Variants in GAB1 observed in about 807,000 individuals in gnomAD.
GAB1 encodes GRB2-associated-binding protein 1.
A neutral mutation model predicts 66.5 loss-of-function variants in GAB1; 19 were observed. That is an observed-to-expected ratio of 0.29 (90% confidence interval 0.20 to 0.42). The LOEUF is 0.42. GAB1 is among the 10% of genes least tolerant of loss of function. The pLI is 1.00. For missense variants in GAB1, 732 were observed against 858.5 expected, an observed-to-expected ratio of 0.85 and a Z score of 1.84; for synonymous variants, 294 against 301.4, an observed-to-expected ratio of 0.98 and a Z score of 0.25.
At chr4:143,385,179 C>A (rs939326960) in intron 1 of GAB1, among the ~76,000 whole-genome samples, 8 of 152,108 alleles carry the variant, frequency 5.3e-5, no homozygotes, top group African/African-American at 1.9e-4. Flanking sequence ...AATCATAATT[C>A]TTCAAAACAT....
chr4:143,443,389 G>T (rs1734344585), intron 6 of GAB1, among the ~76,000 whole-genome samples: 1 of 152,146 alleles, frequency 6.6e-6, no homozygotes, highest in African/African-American at 2.4e-5. Flanking sequence ...TTACAAGGCA[G>T]ACTTTGTAAA....
At chr4:143,449,906 C>T (rs946868929) in intron 6 of GAB1, among the ~76,000 whole-genome samples, 12 of 148,832 alleles carry the variant, frequency 8.1e-5, no homozygotes, top group African/African-American at 2.7e-4. Flanking sequence ...TACATTTTGG[C>T]ATGAACCACT....
chr4:143,379,176 GCAAA>G (rs971954245), intron 1 of GAB1, among the ~76,000 whole-genome samples: 5 of 152,202 alleles, frequency 3.3e-5, no homozygotes, highest in African/African-American at 1.2e-4. Context: ...ATATAATTCA[GCAAA>G]CAAAGAGGCA....
At chr4:143,389,731 A>G (rs1731095286) in intron 1 of GAB1, among the ~76,000 whole-genome samples, 3 of 152,214 alleles carry the variant, frequency 2.0e-5, no homozygotes, top group Non-Finnish European at 4.4e-5. Context: ...TACTCATCAA[A>G]CAGTAAGTGC....
chr4:143,418,850 G>A (rs2149723055), intron 2 of GAB1, among the ~76,000 whole-genome samples: 1 of 152,298 alleles, frequency 6.6e-6, no homozygotes, highest in East Asian at 1.9e-4. Context: ...TCAAGTGTCT[G>A]AGATTAACTT....
chr4:143,438,097 G>T lies in GAB1; in HGVS notation c.692G>T (p.Gly231Val). 6.2e-7 allele frequency: 1 copy of T among 1,614,018 alleles called. No homozygotes were observed. The change falls in exon 4 of 10, where the codon GGA (glycine) becomes GTA (valine). Residue 231 changes from glycine to valine, a missense_variant. By Grantham distance (109) the Gly-to-Val change is moderately radical. Transcript: ENST00000262994. ...CCTGCTTCCTCCCAGAGCAAACATG[G>T]AATGAATGGCTTTTTTCAGCAGCAA... Reference protein sequence around the residue: ...KNPASSQSKHGMNGFFQQQMI... With the variant: ...KNPASSQSKHVMNGFFQQQMI...
At chr4:143,367,547 G>A (rs1199814309) in intron 1 of GAB1, among the ~76,000 whole-genome samples, 2 of 120,954 alleles carry the variant, frequency 1.7e-5, no homozygotes, top group African/African-American at 3.8e-5. Flanking sequence ...GTCAGTAAAT[G>A]TTTGCTTTTT....
At chr4:143,359,930 A>C (rs1437618527) in intron 1 of GAB1, among the ~76,000 whole-genome samples, 1 of 152,370 alleles carries the variant, frequency 6.6e-6, no homozygotes, top group East Asian at 1.9e-4. Context: ...TTTGACAGCA[A>C]CCTGCCTTTT....
chr4:143,360,635 A>T (rs1729626126), intron 1 of GAB1, among the ~76,000 whole-genome samples: 1 of 152,212 alleles, frequency 6.6e-6, no homozygotes. Flanking sequence ...ATGCTAAAAA[A>T]AGTTGTCTCG....
At chr4:143,416,740 C>A (rs544328776) in intron 2 of GAB1, among the ~76,000 whole-genome samples, 1 of 152,298 alleles carries the variant, frequency 6.6e-6, no homozygotes, top group African/African-American at 2.4e-5. Flanking sequence ...CACCATTCCA[C>A]TCCAGCCTGG....
chr4:143,370,184 G>A (rs754837215), intron 1 of GAB1, among the ~76,000 whole-genome samples: 1 of 152,192 alleles, frequency 6.6e-6, no homozygotes. Context: ...AAAGGGTATG[G>A]GGCAAGGGCT....
intron 1 of GAB1, among the ~76,000 whole-genome samples, chr4:143,373,566 C>A (rs960822248): frequency 6.6e-6 from 1 of 152,118 alleles, no homozygotes; most frequent in African/African-American, 2.4e-5. Flanking sequence ...TGGTGGCTCA[C>A]GCCTATAACC....
chr4:143,367,445 A>G (rs922641465), intron 1 of GAB1, among the ~76,000 whole-genome samples: 13 of 152,148 alleles, frequency 8.5e-5, no homozygotes, highest in African/African-American at 3.1e-4. Context: ...TGTTGGTGAA[A>G]CGAAGAAAAT....
intron 8 of GAB1, among the ~76,000 whole-genome samples, chr4:143,462,673 T>A (rs80033108): frequency 6.6e-6 from 1 of 152,024 alleles, no homozygotes; most frequent in Non-Finnish European, 1.5e-5. Flanking sequence ...TTTTTTTTTT[T>A]ATTTGGAGAC....
intron 1 of GAB1, among the ~76,000 whole-genome samples, chr4:143,338,695 C>G (rs1397530591): frequency 8.7e-6 from 1 of 115,016 alleles, no homozygotes; most frequent in Non-Finnish European, 1.8e-5. Context: ...TCCAGCTGTT[C>G]TAAAGAGAAA....
At chr4:143,447,276 G>A (rs1285383578) in intron 6 of GAB1, among the ~76,000 whole-genome samples, 11 of 151,978 alleles carry the variant, frequency 7.2e-5, no homozygotes, top group East Asian at 1.9e-4. Flanking sequence ...TTGGCGATGC[G>A]GGCTCTTTTT....
intron 3 of GAB1, among the ~76,000 whole-genome samples, chr4:143,437,312 A>G (rs1733988861): frequency 6.6e-6 from 1 of 152,246 alleles, no homozygotes; most frequent in Non-Finnish European, 1.5e-5. Context: ...ATACCTCAAA[A>G]TGCAGAGACC....
chr4:143,415,487 G>A lies in GAB1; in HGVS notation c.83G>A (p.Arg28Lys), dbSNP rs373144247. Residue 28 changes from arginine (R) to lysine (K), a missense_variant, in exon 2 of 10, where the codon AGG becomes AAG. Transcript: ENST00000262994. ...EKKLKRYAWK[R>K]RWFVLRSGRL... is the part of the protein sequence containing the mutation. ...TTGTTTTGTTTCTAGGCATGGAAGA[G>A]GAGATGGTTCGTGTTACGCAGTGGC... 9.4e-6 allele frequency: 15 copies of A among 1,602,386 alleles called. No individual in the cohort carries two copies. The highest frequency in any genetic ancestry group is 1.2e-5 in the Non-Finnish European group (14 of 1,172,412).
rs532842452 is a variant in GAB1 at position 143,370,806 on chromosome 4, T to A, written c.72+33546T>A. Among the ~76,000 whole-genome samples, 3 of 152,334 alleles carry A rather than the reference T, an allele frequency of 2.0e-5. No homozygotes were observed. The South Asian group carries it at 6.2e-4, about 32-fold the overall frequency. On this transcript the variant is annotated intron_variant, in intron 1 of 9. Transcript: ENST00000262994. Reference sequence around the variant, plus strand: ...GAGTGAGAACATGCAGTGTTTGGTTTTCTGTCCTTGCGATAGTTTGCTCAG... The same window carrying A: ...GAGTGAGAACATGCAGTGTTTGGTTATCTGTCCTTGCGATAGTTTGCTCAG...
Sources: gnomAD v4.1 joint callset for allele counts (sites outside exome capture counted in the v4.1 genomes callset) on GRCh38, gnomAD v4.1.1 for gene constraint, MANE v1.5 for transcripts, NCBI Gene and HGNC (gene_info 2026-07-23, HGNC 2026-07-21) for gene names.